TLK1: variants seen among roughly 807,000 people sequenced by gnomAD.
TLK1 encodes the protein tousled like kinase 1.
TLK1 carries 24 observed loss-of-function variants against 105.3 expected under a neutral mutation model. The observed-to-expected ratio is 0.23, with a 90% CI of 0.17 to 0.32. The LOEUF (loss-of-function observed/expected upper bound fraction) is 0.32. Among genes scored for constraint, TLK1 ranks in the 10% least tolerant of loss-of-function variants. The probability of loss-of-function intolerance (pLI) is 1.00; values close to 1 mark genes in which losing one functional copy is unlikely to be tolerated. For synonymous variants in TLK1, 321 were observed against 310.4 expected (o/e 1.03, Z -0.36); for missense variants, 558 against 910.5 (o/e 0.61, Z 4.98).
intron 11 of TLK1, among the ~76,000 whole-genome samples, chr2:171,029,388 G>A (rs1277588931): frequency 6.6e-6 from 1 of 152,194 alleles, no homozygotes; most frequent in Admixed American, 6.5e-5. Flanking sequence ...CCAGCACTCT[G>A]GGAGGCTGAG....
In TLK1 at chr2:171,046,375, A is replaced by G; in HGVS notation, c.981-13T>C. On this transcript the variant is annotated splice_polypyrimidine_tract_variant and intron_variant, in intron 10 of 20. Coordinates refer to ENST00000431350, the MANE Select transcript of TLK1 (RefSeq NM_012290.5). The stretch of plus-strand genomic sequence containing the variant: ...CCATTCTTGTTGCCTGTGTAAAAAT[A>G]AACAAATAAAACCATATTAACCTTC... 6.3e-7 allele frequency: 1 copy of G among 1,579,846 alleles called. No individual in the cohort carries two copies. Among genetic ancestry groups the G allele is most frequent in the Non-Finnish European group, 8.6e-7 (1 of 1,166,688 alleles).
At position 171,160,153 on chromosome 2, in the gene TLK1, C is replaced by T; in HGVS notation, c.139+137G>A. The T allele has an allele frequency of 9.9e-7, 1 of 1,012,936 alleles. No individual in the cohort carries two copies. The highest frequency in any genetic ancestry group is 1.3e-6 in the Non-Finnish European group (1 of 786,042). 62.7% of individuals were successfully genotyped at this position (1,012,936 alleles called of 1,614,324 possible). A position where few individuals can be genotyped will look rare whatever the true frequency, so the allele number is the denominator to read the frequency against. On this transcript the variant is annotated intron_variant, in intron 1 of 20. Coordinates refer to ENST00000431350, the MANE Select transcript of TLK1 (RefSeq NM_012290.5). This position sits in a 1 kb window ranked among gnomAD's most constrained non-coding sequence, Gnocchi z 4.4. ...CCAGAGCCGGGGAGCCGGGCGGCCT[C>T]GCGTCCACCTCGCCACCATCCCCCA... is the stretch of plus-strand genomic sequence containing the variant.
At chr2:171,018,907 A>G (rs1181847015) in intron 12 of TLK1, among the ~76,000 whole-genome samples, 3 of 152,260 alleles carry the variant, frequency 2.0e-5, no homozygotes, top group Non-Finnish European at 4.4e-5. Context: ...TGGCAATTAA[A>G]TACACAATAA....
intron 1 of TLK1, among the ~76,000 whole-genome samples, chr2:171,119,526 C>T (rs542529835): frequency 6.6e-6 from 1 of 152,174 alleles, no homozygotes; most frequent in Non-Finnish European, 1.5e-5. Context: ...TGAAGTTTTG[C>T]TTTATAAAAA....
At chr2:171,211,453 T>A (rs1693610876) in intron 1 of TLK1, among the ~76,000 whole-genome samples, 1 of 152,222 alleles carries the variant, frequency 6.6e-6, no homozygotes, top group South Asian at 2.1e-4. Context: ...TATACAAAGA[T>A]ACTTCATTGA....
chr2:170,998,249 C>T (rs1684178813), intron 18 of TLK1, among the ~76,000 whole-genome samples: 1 of 152,206 alleles, frequency 6.6e-6, no homozygotes, highest in Non-Finnish European at 1.5e-5. Flanking sequence ...CTAAAATATA[C>T]ACCTGATCAC....
intron 1 of TLK1, among the ~76,000 whole-genome samples, chr2:171,226,899 G>A (rs377485413): frequency 6.6e-6 from 1 of 152,198 alleles, no homozygotes; most frequent in East Asian, 1.9e-4. Flanking sequence ...CCTCATTTTT[G>A]TCATCCTAGA....
Position 171,089,101 on chromosome 2 carries a change from C to G in TLK1, c.259-6249G>C, listed in dbSNP as rs112131222. Among the ~76,000 whole-genome samples, 1,130 of 152,272 alleles carry G rather than the reference C, an allele frequency of 7.4e-3. 5 individuals are homozygous for G. The highest frequency in any genetic ancestry group is 0.024 in the Middle Eastern group (7 of 294). ...TTCGCCATGTTGGCCAGGCTGATCT[C>G]GAACTCCTGGCCTCCCAAAGTGCTG... On this transcript the variant is annotated intron_variant, in intron 2 of 20. Transcript: ENST00000431350.
rs1692464683 is a variant in TLK1, at chr2:171,160,807, C to T, written c.-379G>A. ...TTCCGCGGGCGGAACCTGCCGGCACCTCTGCAGTGCGTCGGCCCCCGGCGT... is the reference window on the plus strand; with the variant it reads ...TTCCGCGGGCGGAACCTGCCGGCACTTCTGCAGTGCGTCGGCCCCCGGCGT... On this transcript the variant is annotated 5_prime_UTR_variant, in exon 1 of 21. Coordinates refer to ENST00000431350, the MANE Select transcript of TLK1 (RefSeq NM_012290.5). The surrounding 1 kb of genome is among the most constrained non-coding windows in gnomAD (Gnocchi z 4.4). 6 of 375,664 alleles carry T rather than the reference C, an allele frequency of 1.6e-5. No individual in the cohort carries two copies. In the Admixed American group the frequency reaches 1.9e-4, roughly 12 times the overall value. 23.3% of individuals were successfully genotyped at this position (375,664 alleles called of 1,614,324 possible).
At chr2:171,104,036 C>G (rs1220041715) in intron 2 of TLK1, among the ~76,000 whole-genome samples, 1 of 152,162 alleles carries the variant, frequency 6.6e-6, no homozygotes, top group Non-Finnish European at 1.5e-5. Flanking sequence ...CGCCTGTAAT[C>G]CCAACACTTT....
chr2:171,027,506 T>C (rs1365588992), intron 12 of TLK1, among the ~76,000 whole-genome samples: 1 of 152,226 alleles, frequency 6.6e-6, no homozygotes, highest in East Asian at 1.9e-4. Flanking sequence ...CAATAACACA[T>C]AGCAACATTT....
chr2:171,208,056 C>G (rs969948164), intron 1 of TLK1, among the ~76,000 whole-genome samples: 1 of 152,116 alleles, frequency 6.6e-6, no homozygotes, highest in African/African-American at 2.4e-5. Flanking sequence ...AGATACAAGC[C>G]TATTTCAACT....
intron 11 of TLK1, among the ~76,000 whole-genome samples, chr2:171,040,618 C>A (rs1686626676): frequency 7.2e-6 from 1 of 138,116 alleles, no homozygotes; most frequent in African/African-American, 2.8e-5. Context: ...GTTGCCGAGG[C>A]TGGAGTGGAG....
At chr2:171,193,699 CATTTTTTTTTTTTT>C (rs1693205353) in intron 1 of TLK1, among the ~76,000 whole-genome samples, 2 of 103,226 alleles carry the variant, frequency 1.9e-5, no homozygotes, top group African/African-American at 8.0e-5. Context: ...CAGCGCCTGG[CATTTTTTTTTTTTT>C]TTTTTTTTTT....
intron 2 of TLK1, among the ~76,000 whole-genome samples, chr2:171,087,350 ACT>A (rs1015515928): frequency 6.6e-6 from 1 of 152,204 alleles, no homozygotes; most frequent in African/African-American, 2.4e-5. Context: ...TGAAAATTTC[ACT>A]CTCTAAAATA....
intron 2 of TLK1, among the ~76,000 whole-genome samples, chr2:171,088,263 T>C (rs1199215470): frequency 6.6e-6 from 1 of 152,098 alleles, no homozygotes; most frequent in Non-Finnish European, 1.5e-5. Context: ...GCCCAGGAGA[T>C]AGAGGCTGCA....
chr2:171,222,890 C>T (rs1019686578), intron 1 of TLK1, among the ~76,000 whole-genome samples: 3 of 152,178 alleles, frequency 2.0e-5, no homozygotes, highest in African/African-American at 7.2e-5. Context: ...TCTCGGCTCA[C>T]TGCAACCTCC....
At chr2:171,060,061 C>A in intron 4 of TLK1, 3 of 1,594,298 alleles carry the variant, frequency 1.9e-6, no homozygotes, top group South Asian at 2.2e-5. Context: ...GGAAAAAACA[C>A]TGAAAGCCAG....
At chr2:171,121,385 A>T (rs543905396) in intron 1 of TLK1, among the ~76,000 whole-genome samples, 10 of 152,248 alleles carry the variant, frequency 6.6e-5, no homozygotes, top group African/African-American at 2.4e-4. Context: ...TACAAAAATT[A>T]GCTGGGTGTG....
Sources: allele counts gnomAD v4.1 joint callset (sites outside exome capture counted in the v4.1 genomes callset), GRCh38; gene constraint gnomAD v4.1.1; non-coding constraint Gnocchi (gnomAD v3.1); transcripts MANE v1.5; gene names NCBI Gene and HGNC (gene_info 2026-07-23, HGNC 2026-07-21).